DGUOK: variants seen among roughly 807,000 people sequenced by gnomAD.
DGUOK encodes deoxyguanosine kinase, mitochondrial.
Under a neutral mutation model 36.6 loss-of-function variants are expected in DGUOK, and 30 were observed. The observed-to-expected ratio is 0.82, with a 90% confidence interval of 0.61 to 1.11. DGUOK has a LOEUF of 1.11. DGUOK is among the 50% of genes most tolerant of loss of function. DGUOK has a pLI of 0.00. For missense variants in DGUOK, 361 were observed against 336.4 expected, an observed-to-expected ratio of 1.07 and a Z score of -0.57; for synonymous variants, 145 against 126.3, an observed-to-expected ratio of 1.15 and a Z score of -0.99.
At chr2:73,956,604 T>C (rs1172553246) in intron 4 of DGUOK, among the ~76,000 whole-genome samples, 1 of 152,182 alleles carries the variant, frequency 6.6e-6, no homozygotes, top group African/African-American at 2.4e-5. Context: ...CCACAAGGAC[T>C]GCACTGCTAG....
chr2:73,932,479 T>C (rs1416330752), intron 1 of DGUOK: 1 of 512,238 alleles, frequency 2.0e-6, no homozygotes, highest in Non-Finnish European at 3.3e-6. Context: ...TACTCAGTAC[T>C]GACCAGATTC....
At chr2:73,938,867 C>G (rs370779300) in intron 1 of DGUOK, 43 bp from the exon 2 acceptor site, 3 of 1,349,178 alleles carry the variant, frequency 2.2e-6, no homozygotes, top group South Asian at 2.3e-5. Context: ...CTCCTTCAGC[C>G]CTGATTTGGG....
intron 3 of DGUOK, chr2:73,948,055 C>A (rs1309828736): frequency 6.6e-6 from 1 of 152,272 alleles, no homozygotes; most frequent in East Asian, 1.9e-4. Context: ...TGTGTACGTA[C>A]CCCGAGAGAG....
intron 2 of DGUOK, among the ~76,000 whole-genome samples, chr2:73,944,289 G>A (rs548211991): frequency 1.3e-5 from 2 of 152,298 alleles, no homozygotes; most frequent in South Asian, 4.1e-4. Context: ...CAAAGTGCTT[G>A]GGTTATAGGT....
At chr2:73,932,403 C>T (rs55785246) in intron 1 of DGUOK, among the ~76,000 whole-genome samples, 9,449 of 152,224 alleles carry the variant, frequency 0.062, 467 homozygotes, top group African/African-American at 0.13. Context: ...CTTCCTTGGG[C>T]TCTGACCACT....
chr2:73,937,708 G>T (rs951786805), intron 1 of DGUOK, among the ~76,000 whole-genome samples: 1 of 152,192 alleles, frequency 6.6e-6, no homozygotes, highest in Non-Finnish European at 1.5e-5. Context: ...AAGTGGAGAT[G>T]TCTGGAGAGT....
chr2:73,926,882 A>C lies in DGUOK; in HGVS notation c.-29A>C, dbSNP rs778424567. The C allele has an allele frequency of 5.0e-6, 8 of 1,612,564 alleles. No individual in the cohort carries two copies. The African/African-American group carries it at 6.7e-5, about 13-fold the overall frequency. On this transcript the variant is annotated 5_prime_UTR_variant, in exon 1 of 7. Coordinates refer to ENST00000264093, the MANE Select transcript of DGUOK (RefSeq NM_080916.3). ...CCTAGGGCGGAAGTGCTCTCGGCGG[A>C]AGTGATCGCTGTGTGAATCGTGGGT...
In DGUOK at chr2:73,935,222, CAGAG is replaced by C. The variant is rs370110058; in HGVS notation, c.143-3682_143-3679del. The stretch of plus-strand genomic sequence containing the variant: ...CACCACTGCACTCCAGCCTGGGTGA[CAGAG>C]AGAGACCCCCATCTCAAAAGGAAAG... On this transcript the variant is annotated intron_variant, in intron 1 of 6. Coordinates refer to ENST00000264093, the MANE Select transcript of DGUOK (RefSeq NM_080916.3). Among the ~76,000 whole-genome samples the C allele has an allele frequency of 2.0e-4, 30 of 152,330 alleles. No individual in the cohort carries two copies. The East Asian group carries it at 5.4e-3, about 27-fold the overall frequency.
At chr2:73,957,316 A>T (rs1213967750) in intron 5 of DGUOK, 76 bp downstream of exon 5, 1 of 1,061,094 alleles carries the variant, frequency 9.4e-7, no homozygotes, top group Non-Finnish European at 1.4e-6. Context: ...CAAGTTCAGC[A>T]TGCAGCCCCC....
chr2:73,948,260 C>G (rs1447855487), intron 3 of DGUOK, among the ~76,000 whole-genome samples: 1 of 152,094 alleles, frequency 6.6e-6, no homozygotes, highest in Non-Finnish European at 1.5e-5. Context: ...TATTTCTAGC[C>G]GCTTCATGAA....
chr2:73,951,457 T>TA (rs1682699276), intron 4 of DGUOK, among the ~76,000 whole-genome samples: 1 of 129,712 alleles, frequency 7.7e-6, no homozygotes. Context: ...TCAAGGTGAG[T>TA]TTTTTTTTTT....
At chr2:73,951,311 G>A (rs931470586) in intron 4 of DGUOK, among the ~76,000 whole-genome samples, 3 of 152,140 alleles carry the variant, frequency 2.0e-5, no homozygotes, top group African/African-American at 7.2e-5. Context: ...AGATAGAAGT[G>A]AGCTGTGGCT....
chr2:73,937,246 C>A (rs570568957), intron 1 of DGUOK, among the ~76,000 whole-genome samples: 3 of 152,294 alleles, frequency 2.0e-5, no homozygotes, highest in African/African-American at 7.2e-5. Flanking sequence ...TTACCATGGC[C>A]ACAAGGCCCT....
At chr2:73,955,051 T>C (rs1451684840) in intron 4 of DGUOK, among the ~76,000 whole-genome samples, 1 of 152,216 alleles carries the variant, frequency 6.6e-6, no homozygotes, top group Non-Finnish European at 1.5e-5. Flanking sequence ...CACTCAATAC[T>C]GCCACCAGTT....
chr2:73,957,923 C>CTGTT (rs774856089), intron 5 of DGUOK: 16 of 446,872 alleles, frequency 3.6e-5, no homozygotes, highest in Non-Finnish European at 6.7e-5. Flanking sequence ...GGTGCTCTGA[C>CTGTT]TGTTTGTTAG....
intron 1 of DGUOK, among the ~76,000 whole-genome samples, 158 bp from the exon 2 acceptor site, chr2:73,938,752 C>G (rs1396781711): frequency 6.6e-6 from 1 of 152,206 alleles, no homozygotes; most frequent in Non-Finnish European, 1.5e-5. Context: ...ATGAATTGAT[C>G]TGTTATCAGT....
chr2:73,943,413 C>T (rs1368670491), intron 2 of DGUOK, among the ~76,000 whole-genome samples: 1 of 151,490 alleles, frequency 6.6e-6, no homozygotes, highest in African/African-American at 2.4e-5. Flanking sequence ...CCTTCCACCT[C>T]GGACTCCCAA....
At chr2:73,954,170 C>G (rs1009756910) in intron 4 of DGUOK, among the ~76,000 whole-genome samples, 19 of 151,956 alleles carry the variant, frequency 1.3e-4, no homozygotes, top group Admixed American at 1.0e-3. Context: ...AGTGAGAGCC[C>G]CCTGCCCTCT....
In DGUOK at chr2:73,928,274, C is replaced by T. The variant is rs1558639043; in HGVS notation, c.142+1222C>T. ...TCCCGAATAGCTGGGATTAGGGGCA[C>T]CCGCCACCACACCCAGTTAATTTTT... On this transcript the variant is annotated intron_variant, in intron 1 of 6. Coordinates refer to ENST00000264093, the MANE Select transcript of DGUOK (RefSeq NM_080916.3). Among the ~76,000 whole-genome samples, 3 of 152,070 alleles carry T rather than the reference C, an allele frequency of 2.0e-5. No individual in the cohort carries two copies. The South Asian group carries it at 6.2e-4, about 32-fold the overall frequency.
Sources: gnomAD v4.1 joint callset for allele counts (sites outside exome capture counted in the v4.1 genomes callset) on GRCh38, gnomAD v4.1.1 for gene constraint, MANE v1.5 for transcripts, NCBI Gene and HGNC (gene_info 2026-07-23, HGNC 2026-07-21) for gene names.